The following CHRM2 variants were observed in gnomAD, a reference collection of about 807,000 sequenced individuals.
The protein encoded by CHRM2 is cholinergic receptor muscarinic 2.
CHRM2 carries 8 observed loss-of-function variants against 25.0 expected under a neutral mutation model. That is an observed-to-expected ratio of 0.32 (90% CI 0.19 to 0.58). The LOEUF (loss-of-function observed/expected upper bound fraction) is 0.58, where lower values mean the gene tolerates loss of function less well. CHRM2 is among the 20% of genes least tolerant of loss of function. The pLI, the probability that CHRM2 is intolerant of heterozygous loss-of-function variation, is 0.88. For missense variants in CHRM2, 440 were observed against 567.1 expected (o/e 0.78, Z 2.28); for synonymous variants, 202 against 205.7 (o/e 0.98, Z 0.15).
At chr7:136,904,705 T>A (rs1037036437) in intron 2 of CHRM2, among the ~76,000 whole-genome samples, 1 of 151,940 alleles carries the variant, frequency 6.6e-6, no homozygotes, top group African/African-American at 2.4e-5. Context: ...ATTGGGAACA[T>A]TTATAGCTAT....
rs193026149 is a variant in CHRM2, at chr7:136,971,600, G to A, written c.-124-20587G>A. On this transcript the variant is annotated intron_variant, in intron 2 of 3. Transcript: ENST00000680005. ...CCACTGCACTCCAGCCTGGGTGACA[G>A]AGTAAGACTCTGTTTCACAAAAAAA... 2.4e-3 allele frequency among the ~76,000 whole-genome samples: 310 copies of A among 127,270 alleles called. 2 individuals are homozygous for A. The highest frequency in any genetic ancestry group is 0.019 in the Middle Eastern group (3 of 158). 83.5% of individuals were successfully genotyped at this position (127,270 alleles called of 152,430 possible). A position where few individuals can be genotyped will look rare whatever the true frequency, so the allele number is the denominator to read the frequency against.
chr7:136,892,472 T>A (rs1375734930), intron 2 of CHRM2, among the ~76,000 whole-genome samples: 2 of 150,762 alleles, frequency 1.3e-5, no homozygotes, highest in Non-Finnish European at 2.9e-5. Flanking sequence ...AAAAAAAAAA[T>A]GATTCATGGG....
intron 2 of CHRM2, among the ~76,000 whole-genome samples, chr7:136,969,266 TG>T (rs1240754848): frequency 1.3e-5 from 2 of 152,190 alleles, no homozygotes; most frequent in Non-Finnish European, 2.9e-5. Flanking sequence ...AGAATGATAA[TG>T]GTACCAATAA....
Position 136,896,853 on chromosome 7 carries a change from T to C in CHRM2, c.-125+27435T>C, listed in dbSNP as rs79914993. On this transcript the variant is annotated intron_variant, in intron 2 of 3. Coordinates refer to ENST00000680005, the MANE Select transcript of CHRM2 (RefSeq NM_001006630.2). ...GACACTACTTTAACAAAGTTGAGGT[T>C]AGGAAAGTGAAACGTCATTAAAGAG... Among the ~76,000 whole-genome samples, 580 of 152,168 alleles carry C rather than the reference T, an allele frequency of 3.8e-3. 2 individuals are homozygous for C. The highest frequency in any genetic ancestry group is 6.4e-3 in the Non-Finnish European group (433 of 67,968).
In CHRM2 at chr7:136,997,160, T is replaced by A. The variant is rs560105538; in HGVS notation, c.-47+4896T>A. ...GCCCCAGTGAAATAATGCATTGATATATACAATGTAATCTAAAACTTTAAA... is the reference window on the plus strand; with the variant it reads ...GCCCCAGTGAAATAATGCATTGATAAATACAATGTAATCTAAAACTTTAAA... On this transcript the variant is annotated intron_variant, in intron 3 of 3. Transcript: ENST00000680005. 2.0e-5 allele frequency among the ~76,000 whole-genome samples: 3 copies of A among 152,336 alleles called. No homozygotes were observed. The South Asian group carries it at 6.2e-4, about 32-fold the overall frequency.
intron 2 of CHRM2, among the ~76,000 whole-genome samples, chr7:136,977,388 CTT>C (rs11348259): frequency 4.0e-5 from 6 of 151,228 alleles, no homozygotes; most frequent in Admixed American, 3.3e-4. Flanking sequence ...TTCCCTGAAT[CTT>C]TTTTTTTTCT....
chr7:137,001,864 C>T (rs992655878), intron 3 of CHRM2, among the ~76,000 whole-genome samples: 1 of 152,118 alleles, frequency 6.6e-6, no homozygotes, highest in African/African-American at 2.4e-5. Flanking sequence ...TTATCCTAGC[C>T]AGTCTCAGCA....
chr7:137,003,525 C>T (rs1011854643), intron 3 of CHRM2, among the ~76,000 whole-genome samples: 1 of 67,590 alleles, frequency 1.5e-5, no homozygotes, highest in Non-Finnish European at 2.9e-5. Context: ...CACACACACA[C>T]ACACACACAC....
chr7:136,927,581 C>T (rs900003395), intron 2 of CHRM2, among the ~76,000 whole-genome samples: 1 of 152,112 alleles, frequency 6.6e-6, no homozygotes, highest in African/African-American at 2.4e-5. Flanking sequence ...CTCAAGGAAG[C>T]ATTAAGCCCC....
chr7:136,992,113 T>C (rs1293569079), intron 2 of CHRM2, 74 bp from the exon 3 acceptor site: 1 of 152,168 alleles, frequency 6.6e-6, no homozygotes, highest in Non-Finnish European at 1.5e-5. Flanking sequence ...TAAAGACTAA[T>C]ATACTCCATT....
In CHRM2 at chr7:137,019,984, G is replaced by A. The variant is rs1281045616; in HGVS notation, c.*3718G>A. 3.3e-5 allele frequency: 5 copies of A among 151,754 alleles called. No homozygotes were observed. Among genetic ancestry groups the A allele is most frequent in the Admixed American group, 2.6e-4 (4 of 15,178 alleles). 9.4% of individuals were successfully genotyped at this position (151,754 alleles called of 1,614,324 possible). Reference sequence around the variant, plus strand: ...GATAATATCCCTTTCAACAACCATAGTACCGGTGTTGCAAATAGTTTAGGA... The same window carrying A: ...GATAATATCCCTTTCAACAACCATAATACCGGTGTTGCAAATAGTTTAGGA... On this transcript the variant is annotated 3_prime_UTR_variant, in exon 4 of 4. Transcript: ENST00000680005.
chr7:136,960,615 C>T (rs1001200406), intron 2 of CHRM2, among the ~76,000 whole-genome samples: 1 of 152,134 alleles, frequency 6.6e-6, no homozygotes, highest in African/African-American at 2.4e-5. Flanking sequence ...CTAAAGTGAA[C>T]AACTTAACTA....
intron 3 of CHRM2, among the ~76,000 whole-genome samples, chr7:137,000,130 C>T (rs1253234668): frequency 6.6e-6 from 1 of 151,058 alleles, no homozygotes. Context: ...GCTTTTAAAC[C>T]TTTAGACCCT....
chr7:137,002,292 T>A lies in CHRM2; in HGVS notation c.-47+10028T>A, dbSNP rs1804096269. 1.3e-5 allele frequency among the ~76,000 whole-genome samples: 2 copies of A among 152,190 alleles called. 1 individual carries two copies. The highest frequency in any genetic ancestry group is 4.1e-4 in the South Asian group (2 of 4,834). Reference sequence around the variant, plus strand: ...AAGTTACAAATTAACTTTATGCATATTTATAGATCATGCTCTAAGCACTCA... The same window carrying A: ...AAGTTACAAATTAACTTTATGCATAATTATAGATCATGCTCTAAGCACTCA... On this transcript the variant is annotated intron_variant, in intron 3 of 3. Coordinates refer to ENST00000680005, the MANE Select transcript of CHRM2 (RefSeq NM_001006630.2).
rs114710856 is a variant in CHRM2, at chr7:136,950,050, G to C, written c.-124-42137G>C. On this transcript the variant is annotated intron_variant, in intron 2 of 3. Transcript: ENST00000680005. ...ATTTTGTTGTTATTGCCTCTCTAGT[G>C]GGAGTAAAATGATACCTCATGGTGG... 3.9e-3 allele frequency among the ~76,000 whole-genome samples: 589 copies of C among 152,072 alleles called. 7 individuals carry two copies. The highest frequency in any genetic ancestry group is 0.014 in the African/African-American group (562 of 41,488).
At chr7:137,010,477 A>G (rs963275756) in intron 3 of CHRM2, among the ~76,000 whole-genome samples, 2 of 151,944 alleles carry the variant, frequency 1.3e-5, no homozygotes, top group African/African-American at 4.8e-5. Flanking sequence ...CTTTAACACC[A>G]CCCTATGATG....
At chr7:136,972,191 A>C (rs938814147) in intron 2 of CHRM2, among the ~76,000 whole-genome samples, 3 of 152,020 alleles carry the variant, frequency 2.0e-5, no homozygotes, top group African/African-American at 7.3e-5. Context: ...AATAACATAA[A>C]TCTACCAACA....
intron 2 of CHRM2, among the ~76,000 whole-genome samples, chr7:136,953,648 A>T (rs139117707): frequency 0.021 from 3,137 of 152,182 alleles, 49 homozygotes; most frequent in Non-Finnish European, 0.034. Context: ...TTTTCCTCCG[A>T]GAGCTCATAG....
At chr7:136,907,364 CCTT>C (rs1797612955) in intron 2 of CHRM2, among the ~76,000 whole-genome samples, 1 of 151,904 alleles carries the variant, frequency 6.6e-6, no homozygotes, top group East Asian at 1.9e-4. Flanking sequence ...AGTTGCTTGA[CCTT>C]CTCTCTGGCC....
Sources: allele counts gnomAD v4.1 joint callset (sites outside exome capture counted in the v4.1 genomes callset), GRCh38; gene constraint gnomAD v4.1.1; transcripts MANE v1.5; gene names NCBI Gene and HGNC (gene_info 2026-07-23, HGNC 2026-07-21).